The following SLC25A25 variants were observed in gnomAD, a reference collection of about 807,000 sequenced individuals.
The protein encoded by SLC25A25 is solute carrier family 25 member 25, also known as mitochondrial adenyl nucleotide antiporter SLC25A25.
Under a neutral mutation model 57.7 loss-of-function variants are expected in SLC25A25, and 32 were observed. The observed-to-expected ratio is 0.55, with a 90% confidence interval of 0.42 to 0.74. SLC25A25 has a LOEUF of 0.74. SLC25A25 is among the 30% of genes least tolerant of loss of function. The pLI, the probability that SLC25A25 is intolerant of heterozygous loss-of-function variation, is 0.00. For missense variants in SLC25A25, 556 were observed against 701.3 expected (o/e 0.79, Z 2.34); for synonymous variants, 306 against 291.2 (o/e 1.05, Z -0.52).
intron 1 of SLC25A25, chr9:128,098,776 T>C (rs1833659099): frequency 6.3e-7 from 1 of 1,598,156 alleles, no homozygotes; most frequent in Non-Finnish European, 8.5e-7. Context: ...CCGGTATTTG[T>C]TGAGTGAATG....
intron 1 of SLC25A25, among the ~76,000 whole-genome samples, chr9:128,090,344 C>T (rs1010811008): frequency 6.6e-6 from 1 of 152,062 alleles, no homozygotes; most frequent in Admixed American, 6.5e-5. Context: ...TCCCAAGTAG[C>T]TGGGATTACA....
chr9:128,083,691 T>TTTC lies in SLC25A25; in HGVS notation c.261+15111_261+15112insTTC, dbSNP rs60965824. Among the ~76,000 whole-genome samples the TTTC allele has an allele frequency of 1.2e-4, 18 of 146,282 alleles. No homozygotes were observed. In the South Asian group the frequency reaches 3.9e-3, roughly 32 times the overall value. ...CGCCCAGCGAATTTTTTTTTTTTTT[T>TTTC]GTATTTTTAGTAAAGATGGGGTTTC... On this transcript the variant is annotated intron_variant, in intron 1 of 10. Transcript: ENST00000373069.
rs895047587 is a variant in SLC25A25 at position 128,103,655 on chromosome 9, C to A, written c.625-26C>A. On this transcript the variant is annotated intron_variant, in intron 5 of 10. Coordinates refer to ENST00000373069, the MANE Select transcript of SLC25A25 (RefSeq NM_001330988.2). The surrounding 1 kb of genome is among the most constrained non-coding windows in gnomAD (Gnocchi z 6.7). ...CAGCCTTGCCCCAAGGGTCCTGAGT[C>A]AGGCTTGTGCCATCTTTCCTCACAG... 6.2e-7 allele frequency: 1 copy of A among 1,613,970 alleles called. No homozygotes were observed. Among genetic ancestry groups the A allele is most frequent in the Non-Finnish European group, 8.5e-7 (1 of 1,179,992 alleles).
rs76112405 is a variant in SLC25A25, at chr9:128,103,615, G to A, written c.625-66G>A. ...CCTGGAGCCGTGCTAGAGGGTAGAC[G>A]GCGACAGGTGCCAGCAGCCTTGCCC... On this transcript the variant is annotated intron_variant, in intron 5 of 10. Coordinates refer to ENST00000373069, the MANE Select transcript of SLC25A25 (RefSeq NM_001330988.2). The surrounding 1 kb of genome is among the most constrained non-coding windows in gnomAD (Gnocchi z 6.7). The A allele has an allele frequency of 1.5e-5, 24 of 1,608,308 alleles. No individual in the cohort carries two copies. Among genetic ancestry groups the A allele is most frequent in the Admixed American group, 3.3e-5 (2 of 59,864 alleles).
chr9:128,107,739 A>G lies in SLC25A25; in HGVS notation c.*295A>G. ...CAGGACATTTTCTGCAGTGCCTGCC[A>G]ATAGCGAGCTTGGAGCCTGGAGGCC... On this transcript the variant is annotated 3_prime_UTR_variant, in exon 11 of 11. Transcript: ENST00000373069. 2.4e-6 allele frequency: 1 copy of G among 409,092 alleles called. No individual in the cohort carries two copies. The highest frequency in any genetic ancestry group is 3.9e-5 in the Admixed American group (1 of 25,376). 25.3% of individuals were successfully genotyped at this position (409,092 alleles called of 1,614,324 possible). A position where few individuals can be genotyped will look rare whatever the true frequency, so the allele number is the denominator to read the frequency against.
At position 128,107,487 on chromosome 9, in the gene SLC25A25, CGCAGCCTGGGGTGT is replaced by C. The variant is rs1396155791; in HGVS notation, c.*50_*63del. On this transcript the variant is annotated 3_prime_UTR_variant, in exon 11 of 11. Transcript: ENST00000373069. ...GGCAGTGGACTCGCTGATCCTGGGCCGCAGCCTGGGGTGTGCAGCCATCTCATTCTGTGAATGTG... is the reference window on the plus strand; with the variant it reads ...GGCAGTGGACTCGCTGATCCTGGGCCGCAGCCATCTCATTCTGTGAATGTG... 4.0e-6 allele frequency: 6 copies of C among 1,499,568 alleles called. No individual in the cohort carries two copies. Among genetic ancestry groups the C allele is most frequent in the Non-Finnish European group, 5.3e-6 (6 of 1,123,764 alleles). 92.9% of individuals were successfully genotyped at this position (1,499,568 alleles called of 1,614,324 possible).
At chr9:128,098,775 G>A (rs750989462) in intron 1 of SLC25A25, 1 of 1,598,472 alleles carries the variant, frequency 6.3e-7, no homozygotes, top group Non-Finnish European at 8.5e-7. Context: ...ACCGGTATTT[G>A]TTGAGTGAAT....
chr9:128,094,250 T>C (rs1045964463), intron 1 of SLC25A25: 1 of 152,248 alleles, frequency 6.6e-6, no homozygotes, highest in Non-Finnish European at 1.5e-5. Flanking sequence ...TGTCTGCTAG[T>C]GAGTCAGGTT....
rs561483406 is a variant in SLC25A25, at chr9:128,109,135, T to C, written c.*1691T>C. ...TAGGATGCAAAGATCAATGCAAAAATTGTTATATATGAACATATAACTGGA... is the reference window on the plus strand; with the variant it reads ...TAGGATGCAAAGATCAATGCAAAAACTGTTATATATGAACATATAACTGGA... On this transcript the variant is annotated 3_prime_UTR_variant, in exon 11 of 11. Transcript: ENST00000373069. The C allele has an allele frequency of 1.4e-4, 22 of 152,706 alleles. No homozygotes were observed. Among genetic ancestry groups the C allele is most frequent in the African/African-American group, 5.3e-4 (22 of 41,582 alleles). The allele number at this position is 152,706 out of a possible 1,614,324, so 9.5% of individuals were successfully genotyped here.
intron 9 of SLC25A25, 35 bp downstream of exon 9, chr9:128,106,555 TC>T: frequency 6.5e-7 from 1 of 1,541,986 alleles, no homozygotes. Context: ...AGAAACCTCC[TC>T]CCAGCACACC....
chr9:128,086,534 T>C (rs1833279440), intron 1 of SLC25A25, among the ~76,000 whole-genome samples: 1 of 152,086 alleles, frequency 6.6e-6, no homozygotes, highest in Admixed American at 6.6e-5. Context: ...GTTTTCTCCA[T>C]GTTGGTGAGG....
rs1445582377 is a variant in SLC25A25 at position 128,095,510 on chromosome 9, C to G, written c.262-5586C>G. ...GATGGGCTTATTTGGGTAGAACTCT[C>G]CATTTTTATATGAACATGGAGTCTT... On this transcript the variant is annotated intron_variant, in intron 1 of 10. Transcript: ENST00000373069. This position sits in a 1 kb window ranked among gnomAD's most constrained non-coding sequence, Gnocchi z 4.4. 6.6e-6 allele frequency among the ~76,000 whole-genome samples: 1 copy of G among 152,134 alleles called. No homozygotes were observed. Among genetic ancestry groups the G allele is most frequent in the African/African-American group, 2.4e-5 (1 of 41,412 alleles).
chr9:128,098,758 G>A (rs773391183), intron 1 of SLC25A25: 35 of 1,609,348 alleles, frequency 2.2e-5, no homozygotes, highest in Non-Finnish European at 3.0e-5. Context: ...AGGGAGAGGC[G>A]CATTCAACCG....
intron 1 of SLC25A25, among the ~76,000 whole-genome samples, chr9:128,082,575 A>C (rs7036522): frequency 0.74 from 113,043 of 152,044 alleles, 43,818 homozygotes; most frequent in Non-Finnish European, 0.85. Flanking sequence ...CAAACTCTTG[A>C]CTCCTGTACC....
At position 128,097,379 on chromosome 9, in the gene SLC25A25, A is replaced by G. The variant is rs187607932; in HGVS notation, c.262-3717A>G. Among the ~76,000 whole-genome samples, 9 of 152,348 alleles carry G rather than the reference A, an allele frequency of 5.9e-5. No homozygotes were observed. In the East Asian group the frequency reaches 1.7e-3, roughly 29 times the overall value. On this transcript the variant is annotated intron_variant, in intron 1 of 10. Transcript: ENST00000373069. ...GCTGTGGCAGAAATGCCCAGTGACT[A>G]TGCGTGGCTATCCTGGGGAACTGAG...
At chr9:128,076,175 A>AGGCT (rs1413385320) in intron 1 of SLC25A25, among the ~76,000 whole-genome samples, 1 of 152,184 alleles carries the variant, frequency 6.6e-6, no homozygotes, top group East Asian at 1.9e-4. Flanking sequence ...TCTGTCACCC[A>AGGCT]GGCTGGCGTT....
chr9:128,108,228 A>G lies in SLC25A25; in HGVS notation c.*784A>G, dbSNP rs2130832815. On this transcript the variant is annotated 3_prime_UTR_variant, in exon 11 of 11. Coordinates refer to ENST00000373069, the MANE Select transcript of SLC25A25 (RefSeq NM_001330988.2). ...ACTGTCCCCACTGTGGCATGAGGGC[A>G]GTGGAGCACCATGTTTGAGGGCGAA... The G allele has an allele frequency of 2.5e-6, 1 of 399,268 alleles. No homozygotes were observed. The highest frequency in any genetic ancestry group is 4.4e-6 in the Non-Finnish European group (1 of 226,212). The allele number at this position is 399,268 out of a possible 1,614,324, so 24.7% of individuals were successfully genotyped here. A position where few individuals can be genotyped will look rare whatever the true frequency, so the allele number is the denominator to read the frequency against.
At chr9:128,091,967 C>G in intron 1 of SLC25A25, 1 of 1,613,958 alleles carries the variant, frequency 6.2e-7, no homozygotes, top group Non-Finnish European at 8.5e-7. Flanking sequence ...CAGAGGCACC[C>G]CAGCCCCTGC....
chr9:128,068,442 C>T lies in SLC25A25; in HGVS notation c.123C>T (p.Cys41=), dbSNP rs776906520. 4 of 1,556,290 alleles carry T rather than the reference C, an allele frequency of 2.6e-6. No homozygotes were observed. The highest frequency in any genetic ancestry group is 2.8e-5 in the African/African-American group (2 of 70,798). The change falls in exon 1 of 11, where the codon TGC becomes TGT. Residue 41 remains cysteine, a synonymous_variant. Transcript: ENST00000373069. ...GGGACCCCTGCGGCGGCGCTATCTG[C>T]GGGGGCCCGGACCACCGGCTGCGCC... ...SVGDPCGGAI[C]GGPDHRLRLW... is the part of the protein sequence containing the mutation.
Sources: gnomAD v4.1 joint callset for allele counts (sites outside exome capture counted in the v4.1 genomes callset) on GRCh38, gnomAD v4.1.1 for gene constraint, Gnocchi (gnomAD v3.1) non-coding constraint, MANE v1.5 for transcripts, NCBI Gene and HGNC (gene_info 2026-07-23, HGNC 2026-07-21) for gene names.